The following CFAP54 variants were observed in gnomAD, a reference collection of about 807,000 sequenced individuals.
CFAP54 encodes cilia and flagella associated protein 54.
In CFAP54, 290 loss-of-function variants were observed where a neutral mutation model predicts 370.4. The observed-to-expected ratio is 0.78, with a 90% CI of 0.71 to 0.86. The LOEUF (loss-of-function observed/expected upper bound fraction) is 0.86. Among genes scored for constraint, CFAP54 ranks in the 40% least tolerant of loss-of-function variants. The probability of loss-of-function intolerance (pLI) is 0.00; values close to 1 mark genes in which losing one functional copy is unlikely to be tolerated. For synonymous variants in CFAP54, 1,206 were observed against 1,236.5 expected (o/e 0.98, Z 0.52); for missense variants, 3,399 against 3,528.7 (o/e 0.96, Z 0.93).
At chr12:96,594,626 G>T (rs545549208) in intron 25 of CFAP54, among the ~76,000 whole-genome samples, 180 bp downstream of exon 25, 1 of 152,276 alleles carries the variant, frequency 6.6e-6, no homozygotes, top group African/African-American at 2.4e-5. Context: ...GGCACATATA[G>T]ATAAGGACAT....
At chr12:96,607,070 A>C (rs1273572237) in intron 26 of CFAP54, among the ~76,000 whole-genome samples, 1 of 152,226 alleles carries the variant, frequency 6.6e-6, no homozygotes, top group Non-Finnish European at 1.5e-5. Flanking sequence ...TTAGCAAAGA[A>C]GCCATTATTT....
chr12:96,750,785 C>G (rs1275584265), intron 55 of CFAP54, among the ~76,000 whole-genome samples: 2 of 152,198 alleles, frequency 1.3e-5, no homozygotes, highest in Non-Finnish European at 2.9e-5. Flanking sequence ...TCACTTAAGG[C>G]TGAACAGCTT....
At chr12:96,848,171 G>A (rs891800311) in intron 66 of CFAP54, among the ~76,000 whole-genome samples, 1 of 152,070 alleles carries the variant, frequency 6.6e-6, no homozygotes, top group Admixed American at 6.5e-5. Context: ...CTACCTCCCA[G>A]GTTTGAGTGA....
At chr12:96,871,643 A>G (rs1384928752) in intron 67 of CFAP54, among the ~76,000 whole-genome samples, 1 of 152,202 alleles carries the variant, frequency 6.6e-6, no homozygotes, top group Non-Finnish European at 1.5e-5. Context: ...TACATGTAAA[A>G]TAATCTATTG....
chr12:96,744,441 G>A (rs1299578885), intron 55 of CFAP54, among the ~76,000 whole-genome samples: 1 of 151,886 alleles, frequency 6.6e-6, no homozygotes, highest in Non-Finnish European at 1.5e-5. Context: ...TTAAAATTAT[G>A]CCCACATAAT....
At chr12:96,616,354 G>A (rs905576979) in intron 26 of CFAP54, among the ~76,000 whole-genome samples, 3 of 151,916 alleles carry the variant, frequency 2.0e-5, no homozygotes, top group African/African-American at 4.8e-5. Flanking sequence ...ACACACCGGG[G>A]CCTGTCGTGG....
At position 96,506,992 on chromosome 12, in the gene CFAP54, T is replaced by C; in HGVS notation, c.632T>C (p.Leu211Pro). 1 of 1,536,100 alleles carries C rather than the reference T, an allele frequency of 6.5e-7. No individual in the cohort carries two copies. The highest frequency in any genetic ancestry group is 8.7e-7 in the Non-Finnish European group (1 of 1,146,872). Residue 211 changes from leucine (L) to proline (P), a missense_variant, in exon 4 of 68, where the codon CTG becomes CCG. Leu to Pro is a moderately conservative substitution (Grantham distance 98). Coordinates refer to ENST00000524981, the MANE Select transcript of CFAP54 (RefSeq NM_001306084.2). The stretch of plus-strand genomic sequence containing the variant: ...CTGGTCTGCGACAGTGATGAAAACC[T>C]GAAGAATAAAGAATCTGTGGTCCAG... ...YQLVCDSDEN[L>P]KNKESVVQCL...
chr12:96,827,096 T>C (rs1959126413), intron 65 of CFAP54, among the ~76,000 whole-genome samples: 1 of 125,246 alleles, frequency 8.0e-6, no homozygotes, highest in Admixed American at 9.9e-5. Context: ...ATATATAATG[T>C]GCAATTATAT....
chr12:96,669,945 C>T (rs541227236), intron 39 of CFAP54, among the ~76,000 whole-genome samples: 30 of 152,090 alleles, frequency 2.0e-4, no homozygotes, highest in Non-Finnish European at 3.7e-4. Context: ...TAGGAAGCTG[C>T]GTCAGTCAAA....
chr12:96,763,069 G>A (rs1958356987), intron 58 of CFAP54, among the ~76,000 whole-genome samples: 2 of 152,020 alleles, frequency 1.3e-5, no homozygotes, highest in African/African-American at 4.8e-5. Flanking sequence ...AGCACCCGTG[G>A]GGCTAATTGA....
intron 45 of CFAP54, among the ~76,000 whole-genome samples, chr12:96,695,915 C>T (rs550267309): frequency 1.3e-5 from 2 of 152,212 alleles, no homozygotes; most frequent in East Asian, 3.9e-4. Context: ...GAAGTGAAAA[C>T]TGAGAAGAAA....
At chr12:96,629,397 G>A (rs917089427) in intron 30 of CFAP54, among the ~76,000 whole-genome samples, 11 of 151,712 alleles carry the variant, frequency 7.3e-5, no homozygotes, top group African/African-American at 1.9e-4. Context: ...TCCACCTCCC[G>A]AGTTCACACC....
chr12:96,518,628 G>A (rs1368881973), intron 5 of CFAP54, among the ~76,000 whole-genome samples: 1 of 152,204 alleles, frequency 6.6e-6, no homozygotes, highest in Non-Finnish European at 1.5e-5. Flanking sequence ...GGAGGTTGCA[G>A]TAAGCTGCGA....
intron 20 of CFAP54, among the ~76,000 whole-genome samples, chr12:96,577,714 A>T (rs1426269052): frequency 1.3e-5 from 2 of 151,982 alleles, no homozygotes; most frequent in South Asian, 4.2e-4. Flanking sequence ...TTGGCATATT[A>T]GCTGATATCT....
At chr12:96,859,557 C>T (rs906887418) in intron 66 of CFAP54, among the ~76,000 whole-genome samples, 1 of 152,114 alleles carries the variant, frequency 6.6e-6, no homozygotes, top group East Asian at 1.9e-4. Context: ...GGGCACCCAC[C>T]ACCATGCCTG....
At chr12:96,577,657 G>A (rs1489081097) in intron 20 of CFAP54, among the ~76,000 whole-genome samples, 1 of 151,632 alleles carries the variant, frequency 6.6e-6, no homozygotes, top group Non-Finnish European at 1.5e-5. Context: ...TTTTCATTTG[G>A]AAAGTGTGTT....
intron 34 of CFAP54, among the ~76,000 whole-genome samples, chr12:96,649,603 A>G (rs1362752294): frequency 6.6e-6 from 1 of 152,226 alleles, no homozygotes; most frequent in African/African-American, 2.4e-5. Context: ...CTTTCAAAAA[A>G]CATGTACATT....
rs116790582 is a variant in CFAP54 at position 96,545,437 on chromosome 12, G to A, written c.2078-2465G>A. 9.6e-3 allele frequency among the ~76,000 whole-genome samples: 1,465 copies of A among 151,866 alleles called. 27 individuals carry two copies. Among genetic ancestry groups the A allele is most frequent in the African/African-American group, 0.034 (1,393 of 41,382 alleles). On this transcript the variant is annotated intron_variant, in intron 14 of 67. Coordinates refer to ENST00000524981, the MANE Select transcript of CFAP54 (RefSeq NM_001306084.2). ...AAAACTCTGAACTGACATAAAACAG[G>A]GCCAGTAAGTAAAATATGAGTGAGT... is the stretch of plus-strand genomic sequence containing the variant.
Position 96,786,852 on chromosome 12 carries a change from A to T in CFAP54, c.8633A>T (p.Glu2878Val), listed in dbSNP as rs1490670062. ...CCAAAAGAACTTCTTTGTCAACTGG[A>T]AAATCCCCCTCTTTCAGAAAAAGAC... ...EFPKELLCQL[E>V]NPPLSEKDLR... The change falls in exon 62 of 68, where the codon GAA (glutamate) becomes GTA (valine). Residue 2878 changes from glutamate (E) to valine (V), a missense_variant. Glu to Val is a moderately radical substitution (Grantham distance 121). Around this residue, in one of 3 missense-constraint regions of CFAP54, gnomAD observed 2,796 missense variants for 2,869.7 expected, o/e 0.97. Transcript: ENST00000524981. 2.1e-5 allele frequency: 33 copies of T among 1,535,494 alleles called. No homozygotes were observed. The highest frequency in any genetic ancestry group is 2.6e-5 in the Non-Finnish European group (30 of 1,146,580).
Sources: gnomAD v4.1 joint callset for allele counts (sites outside exome capture counted in the v4.1 genomes callset) on GRCh38, gnomAD v4.1.1 for gene constraint, gnomAD v4.1.1 regional missense constraint, MANE v1.5 for transcripts, NCBI Gene and HGNC (gene_info 2026-07-23, HGNC 2026-07-21) for gene names.